ANKRD13B: variants seen among roughly 807,000 people sequenced by gnomAD.
ANKRD13B encodes the protein ankyrin repeat domain-containing protein 13B.
Under a neutral mutation model 74.4 loss-of-function variants are expected in ANKRD13B, and 33 were observed. That is an observed-to-expected ratio of 0.44 (90% confidence interval 0.34 to 0.59). ANKRD13B has a LOEUF of 0.59. Ranked by LOEUF, ANKRD13B falls within the 20% of genes least tolerant of loss-of-function variation. The pLI is 0.02. For synonymous variants in ANKRD13B, 341 were observed against 362.9 expected, an observed-to-expected ratio of 0.94 and a Z score of 0.68; for missense variants, 676 against 877.9, an observed-to-expected ratio of 0.77 and a Z score of 2.91.
At chr17:29,613,074 G>C in intron 14 of ANKRD13B, 111 bp downstream of exon 14, 1 of 1,414,172 alleles carries the variant, frequency 7.1e-7, no homozygotes, top group Non-Finnish European at 9.6e-7. Context: ...TCCTGGTATC[G>C]GGATGGCTTC....
At chr17:29,610,914 G>C (rs970604180) in intron 8 of ANKRD13B, 148 bp downstream of exon 8, 1 of 805,182 alleles carries the variant, frequency 1.2e-6, no homozygotes, top group African/African-American at 1.7e-5. Context: ...CAGGTGCCAA[G>C]CCCTAAGGAT....
chr17:29,610,230 G>A (rs1254579549), intron 7 of ANKRD13B, among the ~76,000 whole-genome samples: 1 of 150,994 alleles, frequency 6.6e-6, no homozygotes, highest in Admixed American at 6.6e-5. Context: ...GTTACTCTGG[G>A]ACCCCTATGT....
intron 1 of ANKRD13B, 160 bp downstream of exon 1, chr17:29,593,895 A>ATGGGAGCGGGCCCTGCCCTC (rs150249107): frequency 6.3e-6 from 2 of 315,772 alleles, no homozygotes; most frequent in Admixed American, 5.2e-5. Context: ...GGAAAGGGTG[A>ATGGGAGCGGGCCCTGCCCTC]TCCCCTCCGG....
chr17:29,606,820 A>T (rs1598609973), intron 1 of ANKRD13B, among the ~76,000 whole-genome samples: 1 of 150,180 alleles, frequency 6.7e-6, no homozygotes, highest in Admixed American at 6.7e-5. Context: ...AGCCCGAGCC[A>T]GGTGGATCAC....
intron 1 of ANKRD13B, 160 bp downstream of exon 1, chr17:29,593,895 A>ATGGGACCGGGCCCTGCCCGC: frequency 3.2e-6 from 1 of 315,506 alleles, no homozygotes; most frequent in Non-Finnish European, 5.6e-6. Flanking sequence ...GGAAAGGGTG[A>ATGGGACCGGGCCCTGCCCGC]TCCCCTCCGG....
rs1053673070 is a variant in ANKRD13B at position 29,613,615 on chromosome 17, C to T, written c.*33C>T. 2.2e-6 allele frequency: 3 copies of T among 1,394,692 alleles called. No homozygotes were observed. The highest frequency in any genetic ancestry group is 3.2e-5 in the Admixed American group (1 of 31,322). The allele number at this position is 1,394,692 out of a possible 1,614,324, so 86.4% of individuals were successfully genotyped here. On this transcript the variant is annotated 3_prime_UTR_variant, in exon 15 of 15. Coordinates refer to ENST00000394859, the MANE Select transcript of ANKRD13B (RefSeq NM_152345.5). ...TGCCGGGACCCTCGCCAGCGCCACG[C>T]GCGCCACGCCCAGGGCCAGGAGCCA...
In ANKRD13B at chr17:29,607,754, C is replaced by T; in HGVS notation, c.127C>T (p.Gln43Ter). ...CCTCCTCCTCCAGGTGGACATCGAGCAGCTGGATCCCCGCGGCCGGACTCC... is the reference window on the plus strand; with the variant it reads ...CCTCCTCCTCCAGGTGGACATCGAGTAGCTGGATCCCCGCGGCCGGACTCC... The part of the protein sequence containing the change: ...EVRAGQVDIE[Q>*]LDPRGRTPLH... Residue 43 changes from glutamine (Q) to a stop codon, truncating the protein, a stop_gained, in exon 2 of 15, where the codon CAG (glutamine) becomes TAG (stop). Coordinates refer to ENST00000394859, the MANE Select transcript of ANKRD13B (RefSeq NM_152345.5). LOFTEE classifies it high-confidence loss of function. 4 of 1,599,238 alleles carry T rather than the reference C, an allele frequency of 2.5e-6. No individual in the cohort carries two copies. The highest frequency in any genetic ancestry group is 3.4e-6 in the Non-Finnish European group (4 of 1,179,146).
chr17:29,596,661 C>G (rs1000751389), intron 1 of ANKRD13B, among the ~76,000 whole-genome samples: 1 of 152,212 alleles, frequency 6.6e-6, no homozygotes, highest in Non-Finnish European at 1.5e-5. Context: ...CGTTCTCCAC[C>G]GTGGGCTTGC....
At position 29,607,804 on chromosome 17, in the gene ANKRD13B, G is replaced by A. The variant is rs1245408222; in HGVS notation, c.177G>A (p.Gly59=). Residue 59 remains glycine, a synonymous_variant, in exon 2 of 15, where the codon GGG becomes GGA. Transcript: ENST00000394859. ...CCCTGCACCTGGCCACCACGCTGGG[G>A]CACCTTGAGTGTGCCCGTGTGCTCC... is the stretch of plus-strand genomic sequence containing the variant. ...RTPLHLATTL[G]HLECARVLLA... is the part of the protein sequence containing the mutation. 6.2e-7 allele frequency: 1 copy of A among 1,603,944 alleles called. No homozygotes were observed. The highest frequency in any genetic ancestry group is 8.5e-7 in the Non-Finnish European group (1 of 1,179,808).
chr17:29,610,020 G>C (rs965660602), intron 7 of ANKRD13B, among the ~76,000 whole-genome samples: 3 of 151,954 alleles, frequency 2.0e-5, no homozygotes, highest in African/African-American at 4.8e-5. Flanking sequence ...GTGAAACCCC[G>C]TCTCTACTAA....
In ANKRD13B at chr17:29,609,150, ACTGGCTGGG is replaced by A. The variant is rs2034491210; in HGVS notation, c.632_640del (p.Leu211_Gly213del). The stretch of plus-strand genomic sequence containing the variant: ...GGGTGGTGTACACAGAGACTCTGGC[ACTGGCTGGG>A]CAGGACCGGGAGCTGCTGCTGGCTG... On this transcript the variant is annotated inframe_deletion, in exon 6 of 15. Transcript: ENST00000394859. This position sits in a 1 kb window ranked among gnomAD's most constrained non-coding sequence, Gnocchi z 4.0. The A allele has an allele frequency of 6.2e-7, 1 of 1,612,410 alleles. No homozygotes were observed. Among genetic ancestry groups the A allele is most frequent in the Admixed American group, 1.7e-5 (1 of 60,010 alleles).
chr17:29,601,081 G>T (rs1459478383), intron 1 of ANKRD13B, among the ~76,000 whole-genome samples: 1 of 151,154 alleles, frequency 6.6e-6, no homozygotes, highest in African/African-American at 2.4e-5. Flanking sequence ...GCACCACCAC[G>T]CCTGGCTAAT....
intron 1 of ANKRD13B, among the ~76,000 whole-genome samples, chr17:29,604,112 T>G (rs2034279711): frequency 6.6e-6 from 1 of 152,202 alleles, no homozygotes; most frequent in African/African-American, 2.4e-5. Flanking sequence ...ACATTGTAAA[T>G]ATGATGTTAA....
At chr17:29,596,986 C>A (rs546587309) in intron 1 of ANKRD13B, among the ~76,000 whole-genome samples, 1 of 152,258 alleles carries the variant, frequency 6.6e-6, no homozygotes, top group East Asian at 1.9e-4. Flanking sequence ...ATGCATCCTG[C>A]CTCCCTCCCC....
At chr17:29,613,061 C>T in intron 14 of ANKRD13B, 98 bp downstream of exon 14, 1 of 1,463,368 alleles carries the variant, frequency 6.8e-7, no homozygotes, top group Non-Finnish European at 9.2e-7. Flanking sequence ...TCGGCAGGGA[C>T]CCTCCTGGTA....
At chr17:29,602,046 G>C (rs754523455) in intron 1 of ANKRD13B, among the ~76,000 whole-genome samples, 1 of 152,110 alleles carries the variant, frequency 6.6e-6, no homozygotes, top group Non-Finnish European at 1.5e-5. Flanking sequence ...TTGGTTCTTG[G>C]CTTTATCTTG....
rs1422498489 is a variant in ANKRD13B at position 29,612,701 on chromosome 17, C to T, written c.1461C>T (p.Arg487=). 2.5e-6 allele frequency: 4 copies of T among 1,595,910 alleles called. No individual in the cohort carries two copies. Among genetic ancestry groups the T allele is most frequent in the Non-Finnish European group, 3.4e-6 (4 of 1,176,586 alleles). The change falls in exon 13 of 15, where the codon CGC becomes CGT. Residue 487 remains arginine (R), a synonymous_variant. Transcript: ENST00000394859. The surrounding 1 kb of genome is among the most constrained non-coding windows in gnomAD (Gnocchi z 6.1). ...EISPALFEAP[R]GYSMMGGQRE... ...CCCCAGCGTTGTTCGAGGCCCCGCG[C>T]GGCTACAGCATGATGGGCGGCCAGC...
chr17:29,597,274 G>A (rs891905143), intron 1 of ANKRD13B, among the ~76,000 whole-genome samples: 1 of 152,244 alleles, frequency 6.6e-6, no homozygotes, highest in African/African-American at 2.4e-5. Context: ...GGTGTGAGGG[G>A]TGTTCCTGTG....
intron 1 of ANKRD13B, 128 bp downstream of exon 1, chr17:29,593,863 C>G: frequency 2.2e-6 from 1 of 450,732 alleles, no homozygotes; most frequent in Non-Finnish European, 3.4e-6. Context: ...TTTGCGGCCG[C>G]GGCTTTTGTG....
Sources: allele counts gnomAD v4.1 joint callset (sites outside exome capture counted in the v4.1 genomes callset), GRCh38; gene constraint gnomAD v4.1.1; non-coding constraint Gnocchi (gnomAD v3.1); transcripts MANE v1.5; gene names NCBI Gene and HGNC (gene_info 2026-07-23, HGNC 2026-07-21).